Variants in OTUD7B observed in about 807,000 individuals in gnomAD.
The protein encoded by OTUD7B is OTU domain-containing protein 7B.
In OTUD7B, 34 loss-of-function variants were observed where a neutral mutation model predicts 82.2. The ratio of observed to expected loss-of-function variants is 0.41; its 90% CI spans 0.31 to 0.55. The LOEUF is 0.55. OTUD7B is among the 20% of genes least tolerant of loss of function. The pLI is 0.20. For missense variants in OTUD7B, 944 were observed against 1,062.1 expected (o/e 0.89, Z 1.55); for synonymous variants, 398 against 402.7 (o/e 0.99, Z 0.14).
the OTUD7B span, among the ~76,000 whole-genome samples, chr1:150,037,871 CTTTG>C: frequency 6.6e-6 from 1 of 151,340 alleles, no homozygotes; most frequent in South Asian, 2.1e-4. Flanking sequence ...AAACTGGTAG[CTTTG>C]TTTGTTTTTT....
the OTUD7B span, among the ~76,000 whole-genome samples, chr1:150,064,986 T>C: frequency 2.6e-5 from 4 of 152,324 alleles, no homozygotes; most frequent in South Asian, 2.1e-4. Context: ...CTAAATAGTA[T>C]ACATGGAGAA....
chr1:149,949,795 A>G lies in OTUD7B; in HGVS notation c.974-17T>C, dbSNP rs782690639. ...GGGCAAATGCTGCAGGAAGCCATGA[A>G]GATTATTATGAAGGCTGTGTTTCTG... On this transcript the variant is annotated splice_polypyrimidine_tract_variant and intron_variant, in intron 8 of 11. Coordinates refer to ENST00000581312, the MANE Select transcript of OTUD7B (RefSeq NM_020205.4). 28 of 1,610,854 alleles carry G rather than the reference A, an allele frequency of 1.7e-5. No homozygotes were observed. The East Asian group carries it at 3.3e-4, about 19-fold the overall frequency.
the OTUD7B span, among the ~76,000 whole-genome samples, chr1:150,023,102 T>C: frequency 6.6e-6 from 1 of 152,220 alleles, no homozygotes; most frequent in Non-Finnish European, 1.5e-5. Context: ...TCTTAGTCAC[T>C]AGACGACCCA....
At chr1:149,945,465 G>A (rs1031103685) in intron 11 of OTUD7B, among the ~76,000 whole-genome samples, 1 of 152,154 alleles carries the variant, frequency 6.6e-6, no homozygotes, top group Non-Finnish European at 1.5e-5. Flanking sequence ...ACATTAGAAT[G>A]TTCTTTATTA....
chr1:149,981,075 G>GGGAGGAGGAGGA (rs782486743), intron 1 of OTUD7B, among the ~76,000 whole-genome samples: 7 of 149,848 alleles, frequency 4.7e-5, no homozygotes, highest in South Asian at 4.3e-4. Context: ...CTCTGTCTCA[G>GGGAGGAGGAGGA]GGAGGAGGAG....
chr1:149,985,344 G>A (rs782443187), intron 1 of OTUD7B, among the ~76,000 whole-genome samples: 3 of 152,090 alleles, frequency 2.0e-5, no homozygotes, highest in Non-Finnish European at 4.4e-5. Flanking sequence ...GGAGGTGGAG[G>A]TTGAGTGAGC....
At chr1:149,972,099 T>C (rs1456850292) in intron 2 of OTUD7B, among the ~76,000 whole-genome samples, 1 of 152,220 alleles carries the variant, frequency 6.6e-6, no homozygotes, top group African/African-American at 2.4e-5. Context: ...TTTGGCTTGA[T>C]ACTCAAGGCT....
Position 149,947,250 on chromosome 1 carries a change from C to A in OTUD7B, c.1323+1G>T. On this transcript the variant is annotated splice_donor_variant, in intron 11 of 11. Transcript: ENST00000581312. LOFTEE classifies it high-confidence loss of function. ...AGGGTAGATGTGGGAGAAGTCTTCA[C>A]CTGTGCATCAGAGGACAGTGGGATC... The A allele has an allele frequency of 2.5e-6, 4 of 1,574,410 alleles. No homozygotes were observed. The highest frequency in any genetic ancestry group is 3.5e-6 in the Non-Finnish European group (4 of 1,143,912).
the OTUD7B span, among the ~76,000 whole-genome samples, chr1:150,065,440 CA>C: frequency 6.6e-6 from 1 of 152,068 alleles, no homozygotes; most frequent in Non-Finnish European, 1.5e-5. Flanking sequence ...CCAGTGAAAA[CA>C]AATTTTTCAA....
At chr1:150,000,029 AAT>A (rs1191642850) in intron 1 of OTUD7B, among the ~76,000 whole-genome samples, 1 of 152,258 alleles carries the variant, frequency 6.6e-6, no homozygotes, top group Non-Finnish European at 1.5e-5. Flanking sequence ...TTGATTAGTT[AAT>A]ATAAAAGGCT....
chr1:150,054,945 C>G, the OTUD7B span: 9 of 310,736 alleles, frequency 2.9e-5, no homozygotes, highest in Non-Finnish European at 5.8e-5. Flanking sequence ...AGATTTTAAC[C>G]AAAATCAAAG....
chr1:150,039,290 G>C, the OTUD7B span, among the ~76,000 whole-genome samples: 1 of 151,906 alleles, frequency 6.6e-6, no homozygotes, highest in South Asian at 2.1e-4. Flanking sequence ...TTTTGATTGA[G>C]ATTACATTGA....
intron 1 of OTUD7B, among the ~76,000 whole-genome samples, chr1:149,983,916 T>C (rs1559855121): frequency 6.6e-6 from 1 of 152,176 alleles, no homozygotes; most frequent in East Asian, 1.9e-4. Flanking sequence ...AGATTCCACT[T>C]TATCTCTTCT....
chr1:150,047,970 T>C, the OTUD7B span: 1 of 151,978 alleles, frequency 6.6e-6, no homozygotes, highest in Non-Finnish European at 1.5e-5. Context: ...AAAAATTCAT[T>C]TAATTTAAAC....
Position 149,944,045 on chromosome 1 carries a change from G to A in OTUD7B, c.2344C>T (p.Pro782Ser). The change falls in exon 12 of 12, where the codon CCC (proline) becomes TCC (serine). Residue 782 changes from proline (P) to serine (S), a missense_variant. Physicochemically the swap from Pro to Ser is moderately conservative, Grantham distance 74. Coordinates refer to ENST00000581312, the MANE Select transcript of OTUD7B (RefSeq NM_020205.4). ...ADSYSNGYREPPEPDGWAGGL... is the reference protein window; with the variant it reads ...ADSYSNGYRESPEPDGWAGGL... ...CCAGCCCATCCATCTGGCTCAGGGG[G>A]CTCTCTGTAGCCATTGCTATAGGAA... 1 of 1,614,210 alleles carries A rather than the reference G, an allele frequency of 6.2e-7. No homozygotes were observed. Among genetic ancestry groups the A allele is most frequent in the East Asian group, 2.2e-5 (1 of 44,890 alleles).
At chr1:149,954,992 C>T (rs1648556045) in intron 7 of OTUD7B, among the ~76,000 whole-genome samples, 1 of 152,096 alleles carries the variant, frequency 6.6e-6, no homozygotes, top group African/African-American at 2.4e-5. Flanking sequence ...TTCAAAAAAC[C>T]AGCTCCTGGA....
chr1:150,046,729 G>A, the OTUD7B span, among the ~76,000 whole-genome samples: 54 of 149,882 alleles, frequency 3.6e-4, no homozygotes, highest in Non-Finnish European at 1.3e-4. Context: ...GATTATAGGC[G>A]TTAGCCACCA....
At chr1:150,008,322 T>C (rs1327194046) in intron 1 of OTUD7B, among the ~76,000 whole-genome samples, 1 of 152,244 alleles carries the variant, frequency 6.6e-6, no homozygotes, top group Non-Finnish European at 1.5e-5. Context: ...TTATTGATCA[T>C]CAACAGATTC....
the OTUD7B span, among the ~76,000 whole-genome samples, chr1:150,026,846 A>G: frequency 4.6e-5 from 7 of 152,326 alleles, no homozygotes; most frequent in African/African-American, 1.7e-4. Context: ...CAGATTGGCC[A>G]TATAAACCAA....
Sources: gnomAD v4.1 joint callset for allele counts (sites outside exome capture counted in the v4.1 genomes callset) on GRCh38, gnomAD v4.1.1 for gene constraint, MANE v1.5 for transcripts, NCBI Gene and HGNC (gene_info 2026-07-23, HGNC 2026-07-21) for gene names.